Variants in LIMCH1 observed in about 807,000 individuals in gnomAD.
The protein encoded by LIMCH1 is LIM and calponin homology domains-containing protein 1.
LIMCH1 carries 113 observed loss-of-function variants against 176.5 expected under a neutral mutation model. The ratio of observed to expected loss-of-function variants is 0.64; its 90% CI spans 0.55 to 0.75. The LOEUF is 0.75. LIMCH1 is among the 30% of genes least tolerant of loss of function. LIMCH1 has a pLI of 0.00. For missense variants in LIMCH1, 1,674 were observed against 1,814.9 expected (o/e 0.92, Z 1.41); for synonymous variants, 619 against 645.9 (o/e 0.96, Z 0.63).
chr4:41,473,350 A>C (rs1250550116), intron 1 of LIMCH1, among the ~76,000 whole-genome samples: 1 of 152,230 alleles, frequency 6.6e-6, no homozygotes, highest in Non-Finnish European at 1.5e-5. Context: ...AGCAGGCAGC[A>C]ATTTAACAAA....
rs568429600 is a variant in LIMCH1 at position 41,595,041 on chromosome 4, C to T, written c.-240-3879C>T. ...AAGACTCACCTGGATCTGTACTAGT[C>T]ACTCGTTGGTTTGGAGTTGCCTCAT... On this transcript the variant is annotated intron_variant, in intron 1 of 31. Coordinates refer to ENST00000503057, the MANE Select transcript of LIMCH1 (RefSeq NM_001330672.2). Among the ~76,000 whole-genome samples, 4 of 152,294 alleles carry T rather than the reference C, an allele frequency of 2.6e-5. No individual in the cohort carries two copies. In the South Asian group the frequency reaches 8.3e-4, roughly 32 times the overall value.
chr4:41,574,607 C>T (rs951065699), intron 1 of LIMCH1, among the ~76,000 whole-genome samples: 2 of 152,060 alleles, frequency 1.3e-5, no homozygotes, highest in African/African-American at 2.4e-5. Flanking sequence ...ATTTTAGGAT[C>T]CAGACTCATC....
rs181438033 is a variant in LIMCH1 at position 41,453,376 on chromosome 4, C to G, written c.97-41160C>G. Among the ~76,000 whole-genome samples, 26 of 152,296 alleles carry G rather than the reference C, an allele frequency of 1.7e-4. No individual in the cohort carries two copies. The East Asian group carries it at 3.9e-3, about 23-fold the overall frequency. On this transcript the variant is annotated intron_variant, in intron 1 of 26. Transcript: ENST00000313860. The stretch of plus-strand genomic sequence containing the variant: ...AGCCCACTATTGACCAGAAGCCTTA[C>G]TGATAACATAGTCAGTTAACATATA...
chr4:41,651,101 G>A (rs1378737250), intron 18 of LIMCH1, among the ~76,000 whole-genome samples: 1 of 152,022 alleles, frequency 6.6e-6, no homozygotes, highest in African/African-American at 2.4e-5. Context: ...CTGCCTCCAG[G>A]CTTCAAGCAA....
At chr4:41,612,363 T>C (rs2091529039) in intron 4 of LIMCH1, 1 of 573,942 alleles carries the variant, frequency 1.7e-6, no homozygotes, top group East Asian at 2.8e-5. Flanking sequence ...CTATTGGGAA[T>C]GCAGAGGGGA....
At chr4:41,523,287 A>T (rs1366971011) in intron 2 of LIMCH1, among the ~76,000 whole-genome samples, 2 of 152,180 alleles carry the variant, frequency 1.3e-5, no homozygotes, top group South Asian at 4.1e-4. Flanking sequence ...AATAGTAAAG[A>T]TTTTATGCTT....
At chr4:41,479,468 C>A (rs982172907) in intron 1 of LIMCH1, among the ~76,000 whole-genome samples, 1 of 152,108 alleles carries the variant, frequency 6.6e-6, no homozygotes, top group Non-Finnish European at 1.5e-5. Context: ...TGCCCAGGCT[C>A]GTCGAATTCT....
chr4:41,573,747 G>T (rs1438550655), intron 1 of LIMCH1, among the ~76,000 whole-genome samples: 1 of 152,042 alleles, frequency 6.6e-6, no homozygotes, highest in African/African-American at 2.4e-5. Flanking sequence ...CAGCAGTAAA[G>T]TTGCTAGATC....
At chr4:41,500,748 T>G (rs894934676) in intron 2 of LIMCH1, among the ~76,000 whole-genome samples, 3 of 152,182 alleles carry the variant, frequency 2.0e-5, no homozygotes, top group African/African-American at 7.2e-5. Flanking sequence ...AGTGAAGACT[T>G]AAGAGACAGA....
chr4:41,379,651 C>T (rs932345619), intron 1 of LIMCH1, among the ~76,000 whole-genome samples: 3 of 152,150 alleles, frequency 2.0e-5, no homozygotes, highest in Non-Finnish European at 2.9e-5. Context: ...GGTCATTTAT[C>T]ATGTTTTATA....
intron 1 of LIMCH1, among the ~76,000 whole-genome samples, chr4:41,370,745 C>T (rs1342154461): frequency 6.6e-6 from 1 of 152,190 alleles, no homozygotes; most frequent in East Asian, 1.9e-4. Context: ...TTCTGGAACA[C>T]TTACCATGTA....
chr4:41,601,183 A>G (rs1239417020), intron 2 of LIMCH1, among the ~76,000 whole-genome samples: 14 of 152,368 alleles, frequency 9.2e-5, no homozygotes, highest in Admixed American at 6.5e-4. Context: ...CTAGAGAAAT[A>G]GAATGAACTC....
rs1459963184 is a variant in LIMCH1 at position 41,552,193 on chromosome 4, TC to T, written c.-241+13846del. ...CATTATTCAGTTACCTCCCACTGAC[TC>T]CCTCCCACAACTTGTGGGGATTGTG... On this transcript the variant is annotated intron_variant, in intron 1 of 31. Transcript: ENST00000503057. Among the ~76,000 whole-genome samples the T allele has an allele frequency of 2.0e-5, 3 of 152,086 alleles. No homozygotes were observed. The East Asian group carries it at 5.8e-4, about 29-fold the overall frequency.
chr4:41,520,553 A>G (rs1338271962), intron 2 of LIMCH1, among the ~76,000 whole-genome samples: 1 of 152,204 alleles, frequency 6.6e-6, no homozygotes, highest in Admixed American at 6.5e-5. Flanking sequence ...TCACTGTACC[A>G]AGATTACAAA....
intron 1 of LIMCH1, among the ~76,000 whole-genome samples, chr4:41,408,082 A>G (rs73146300): frequency 0.035 from 5,311 of 152,314 alleles, 292 homozygotes; most frequent in African/African-American, 0.12. Flanking sequence ...GTTAGTGTTC[A>G]AAATGTCAGG....
chr4:41,431,834 G>A (rs1258821534), intron 1 of LIMCH1, among the ~76,000 whole-genome samples: 4 of 152,148 alleles, frequency 2.6e-5, no homozygotes, highest in Non-Finnish European at 5.9e-5. Flanking sequence ...GGATGATTAA[G>A]GGCTGAGGGG....
intron 1 of LIMCH1, among the ~76,000 whole-genome samples, chr4:41,485,497 G>A (rs1280076820): frequency 6.6e-6 from 1 of 152,166 alleles, no homozygotes; most frequent in Non-Finnish European, 1.5e-5. Context: ...TTTCTTGAAA[G>A]GCACACAGGG....
chr4:41,639,512 G>A (rs1419953510), intron 14 of LIMCH1, among the ~76,000 whole-genome samples: 2 of 152,122 alleles, frequency 1.3e-5, no homozygotes, highest in East Asian at 3.9e-4. Flanking sequence ...TTAGCAGGGG[G>A]CCAAGGATGT....
intron 1 of LIMCH1, among the ~76,000 whole-genome samples, chr4:41,421,277 C>T (rs1443035338): frequency 6.6e-6 from 1 of 152,126 alleles, no homozygotes; most frequent in African/African-American, 2.4e-5. Context: ...TATGTAAGCT[C>T]CTTAGAGTCA....
Sources: allele counts gnomAD v4.1 joint callset (sites outside exome capture counted in the v4.1 genomes callset), GRCh38; gene constraint gnomAD v4.1.1; transcripts MANE v1.5; gene names NCBI Gene and HGNC (gene_info 2026-07-23, HGNC 2026-07-21).